The following RAB8B variants were observed in gnomAD, a reference collection of about 807,000 sequenced individuals.
The protein encoded by RAB8B is ras-related protein Rab-8B.
RAB8B carries 11 observed loss-of-function variants against 32.0 expected under a neutral mutation model. The observed-to-expected ratio is 0.34, with a 90% CI of 0.22 to 0.57. The LOEUF (loss-of-function observed/expected upper bound fraction) is 0.57, where lower values mean the gene tolerates loss of function less well. Ranked by LOEUF, RAB8B falls within the 20% of genes least tolerant of loss-of-function variation. The pLI is 0.86. For missense variants in RAB8B, 190 were observed against 258.5 expected, an observed-to-expected ratio of 0.73 and a Z score of 1.82; for synonymous variants, 103 against 89.6, an observed-to-expected ratio of 1.15 and a Z score of -0.85.
At position 63,256,448 on chromosome 15, in the gene RAB8B, A is replaced by G. The variant is rs1567021261; in HGVS notation, c.325-57A>G. Reference sequence around the variant, plus strand: ...TGTTTCTGACAGGTTGGATTTGTCTATTAAGTAACGGGTTTTTCTCAGGCT... The same window carrying G: ...TGTTTCTGACAGGTTGGATTTGTCTGTTAAGTAACGGGTTTTTCTCAGGCT... On this transcript the variant is annotated intron_variant, in intron 4 of 7. Coordinates refer to ENST00000321437, the MANE Select transcript of RAB8B (RefSeq NM_016530.3). The G allele has an allele frequency of 4.7e-6, 6 of 1,271,306 alleles. No individual in the cohort carries two copies. The Admixed American group carries it at 6.7e-5, about 14-fold the overall frequency. 78.8% of individuals were successfully genotyped at this position (1,271,306 alleles called of 1,614,324 possible).
At chr15:63,249,570 C>A in intron 2 of RAB8B, 75 bp from the exon 3 acceptor site, 3 of 1,376,846 alleles carry the variant, frequency 2.2e-6, no homozygotes, top group Non-Finnish European at 3.1e-6. Flanking sequence ...AGAATTACAT[C>A]TCCTACAGCA....
chr15:63,215,001 T>C (rs1290542705), intron 1 of RAB8B, among the ~76,000 whole-genome samples: 7 of 152,286 alleles, frequency 4.6e-5, no homozygotes, highest in Admixed American at 2.0e-4. Flanking sequence ...TCTTCACAGG[T>C]TTCTGATCTC....
chr15:63,263,008 A>AT (rs979348818), intron 7 of RAB8B, among the ~76,000 whole-genome samples: 14 of 152,146 alleles, frequency 9.2e-5, no homozygotes, highest in African/African-American at 3.4e-4. Context: ...CACAAATTCG[A>AT]TTTTTGCCAT....
At chr15:63,242,656 G>A (rs184870938) in intron 1 of RAB8B, among the ~76,000 whole-genome samples, 277 of 152,278 alleles carry the variant, frequency 1.8e-3, no homozygotes, top group African/African-American at 6.2e-3. Flanking sequence ...CCAGCCTGGT[G>A]ACAGAGTGAG....
chr15:63,219,294 TC>T (rs2037822361), intron 1 of RAB8B, among the ~76,000 whole-genome samples: 1 of 133,838 alleles, frequency 7.5e-6, no homozygotes, highest in African/African-American at 2.8e-5. Flanking sequence ...GAGACTCCCA[TC>T]AAAAAAAAAA....
intron 1 of RAB8B, among the ~76,000 whole-genome samples, chr15:63,204,178 G>A (rs911601874): frequency 6.6e-6 from 1 of 152,126 alleles, no homozygotes; most frequent in African/African-American, 2.4e-5. Context: ...TTACTTAAAG[G>A]AATGTATGTC....
intron 1 of RAB8B, among the ~76,000 whole-genome samples, chr15:63,219,058 C>T (rs1164018464): frequency 2.4e-5 from 3 of 122,664 alleles, no homozygotes; most frequent in African/African-American, 6.1e-5. Context: ...CACCAGGTGC[C>T]GGGAGACTGA....
Position 63,189,610 on chromosome 15 carries a change from G to T in RAB8B, c.-15G>T. On this transcript the variant is annotated 5_prime_UTR_variant, in exon 1 of 8. Transcript: ENST00000321437. ...GCCTCCTCTGGCTCCCCGGTCAGAG[G>T]GCCGGAGCGAGAAGATGGCGAAGAC... 6.2e-7 allele frequency: 1 copy of T among 1,613,140 alleles called. No homozygotes were observed. The highest frequency in any genetic ancestry group is 8.5e-7 in the Non-Finnish European group (1 of 1,179,640).
chr15:63,233,604 T>G (rs2037953644), intron 1 of RAB8B, among the ~76,000 whole-genome samples: 8 of 152,304 alleles, frequency 5.3e-5, no homozygotes. Flanking sequence ...GTTTCAAAAC[T>G]GGCAAGAACT....
intron 1 of RAB8B, among the ~76,000 whole-genome samples, chr15:63,205,205 C>T (rs1386397018): frequency 1.3e-5 from 2 of 152,124 alleles, no homozygotes; most frequent in African/African-American, 2.4e-5. Context: ...GAGGCTGAGG[C>T]GGGAGAATCG....
chr15:63,265,818 C>T lies in RAB8B; in HGVS notation c.*2199C>T, dbSNP rs2038241754. Reference sequence around the variant, plus strand: ...TCTTTTGTCTTATATGGATTAATAACTAGTCTCCATGAACTTCACTTGAAA... The same window carrying T: ...TCTTTTGTCTTATATGGATTAATAATTAGTCTCCATGAACTTCACTTGAAA... On this transcript the variant is annotated 3_prime_UTR_variant, in exon 8 of 8. Transcript: ENST00000321437. This position sits in a 1 kb window ranked among gnomAD's most constrained non-coding sequence, Gnocchi z 4.9. 6.6e-6 allele frequency: 1 copy of T among 152,358 alleles called. No homozygotes were observed. Among genetic ancestry groups the T allele is most frequent in the African/African-American group, 2.4e-5 (1 of 41,372 alleles). 9.4% of individuals were successfully genotyped at this position (152,358 alleles called of 1,614,324 possible).
chr15:63,245,369 GA>G (rs2038062789), intron 2 of RAB8B, among the ~76,000 whole-genome samples: 2 of 152,036 alleles, frequency 1.3e-5, no homozygotes, highest in South Asian at 2.1e-4. Flanking sequence ...TGAAGACTGA[GA>G]AAAAAAATCA....
At chr15:63,233,168 G>C (rs891939087) in intron 1 of RAB8B, among the ~76,000 whole-genome samples, 1 of 150,018 alleles carries the variant, frequency 6.7e-6, no homozygotes, top group South Asian at 2.1e-4. Flanking sequence ...CAAGCTATCC[G>C]CTCACTTCAG....
At position 63,251,369 on chromosome 15, in the gene RAB8B, C is replaced by G. The variant is rs1168206223; in HGVS notation, c.246+1664C>G. 8 of 452,778 alleles carry G rather than the reference C, an allele frequency of 1.8e-5. No homozygotes were observed. The Admixed American group carries it at 1.9e-4, about 11-fold the overall frequency. The allele number at this position is 452,778 out of a possible 1,614,324, so 28.0% of individuals were successfully genotyped here. On this transcript the variant is annotated intron_variant, in intron 3 of 7. Coordinates refer to ENST00000321437, the MANE Select transcript of RAB8B (RefSeq NM_016530.3). ...TAATTCTGATTAGAGGCATCTTAGACACACATGCCTTTCTGTTGAGCAGTT... is the reference window on the plus strand; with the variant it reads ...TAATTCTGATTAGAGGCATCTTAGAGACACATGCCTTTCTGTTGAGCAGTT...
chr15:63,257,252 ATTTTC>A (rs997598369), intron 5 of RAB8B, among the ~76,000 whole-genome samples: 1 of 147,712 alleles, frequency 6.8e-6, no homozygotes, highest in Non-Finnish European at 1.5e-5. Context: ...TGCAAAATGC[ATTTTC>A]TTTTCTTTTT....
intron 1 of RAB8B, among the ~76,000 whole-genome samples, chr15:63,212,512 T>C (rs2037756087): frequency 6.6e-6 from 1 of 152,178 alleles, no homozygotes; most frequent in Non-Finnish European, 1.5e-5. Context: ...TTAGTGATAA[T>C]TTGGCATCAC....
At chr15:63,233,055 C>CTTTTTTTTTTTTTTTTTTTTTTT (rs752891283) in intron 1 of RAB8B, among the ~76,000 whole-genome samples, 3 of 141,516 alleles carry the variant, frequency 2.1e-5, no homozygotes, top group Non-Finnish European at 3.0e-5. Flanking sequence ...AAGTAGCATT[C>CTTTTTTTTTTTTTTTTTTTTTTT]TTTTTTTTTT....
chr15:63,230,959 G>A (rs899084622), intron 1 of RAB8B, among the ~76,000 whole-genome samples: 36 of 152,184 alleles, frequency 2.4e-4, no homozygotes, highest in African/African-American at 8.4e-4. Flanking sequence ...ACTGCCTCTA[G>A]TAATTTGGTA....
intron 3 of RAB8B, among the ~76,000 whole-genome samples, chr15:63,252,275 C>G (rs1040478615): frequency 6.6e-6 from 1 of 151,982 alleles, no homozygotes; most frequent in Non-Finnish European, 1.5e-5. Context: ...TTATTGAGTC[C>G]AAGCTATGTC....
Sources: gnomAD v4.1 joint callset for allele counts (sites outside exome capture counted in the v4.1 genomes callset) on GRCh38, gnomAD v4.1.1 for gene constraint, Gnocchi (gnomAD v3.1) non-coding constraint, MANE v1.5 for transcripts, NCBI Gene and HGNC (gene_info 2026-07-23, HGNC 2026-07-21) for gene names.